Variants in KANSL1 observed in about 807,000 individuals in gnomAD.
The protein encoded by KANSL1 is MLL1/MLL complex subunit KANSL1.
A neutral mutation model predicts 103.6 loss-of-function variants in KANSL1; 22 were observed. That is an observed-to-expected ratio of 0.21 (90% confidence interval 0.15 to 0.30). KANSL1 has a LOEUF of 0.30. KANSL1 is among the 10% of genes least tolerant of loss of function. The pLI, the probability that KANSL1 is intolerant of heterozygous loss-of-function variation, is 1.00. For missense variants in KANSL1, 1,337 were observed against 1,399.8 expected, an observed-to-expected ratio of 0.96 and a Z score of 0.72; for synonymous variants, 600 against 527.6, an observed-to-expected ratio of 1.14 and a Z score of -1.88.
chr17:46,130,187 CAA>C (rs35017603), intron 2 of KANSL1, among the ~76,000 whole-genome samples: 4,363 of 75,292 alleles, frequency 0.058, 441 homozygotes, highest in East Asian at 0.43. Flanking sequence ...ATCCTGTCTC[CAA>C]AAAAAAAAAA....
In KANSL1 at chr17:46,186,126, A is replaced by G. The variant is rs945652460; in HGVS notation, c.-90+6697T>C. On this transcript the variant is annotated intron_variant, in intron 1 of 14. Transcript: ENST00000432791. ...CGCGGTGGCTCATGCCTGTAATACC[A>G]GCACTTTGGGAGGCCGAGACGGGTG... Among the ~76,000 whole-genome samples, 13 of 152,166 alleles carry G rather than the reference A, an allele frequency of 8.5e-5. No homozygotes were observed. The East Asian group carries it at 2.5e-3, about 29-fold the overall frequency.
intron 1 of KANSL1, among the ~76,000 whole-genome samples, chr17:46,178,001 T>C (rs1452386535): frequency 6.6e-6 from 1 of 152,114 alleles, no homozygotes; most frequent in African/African-American, 2.4e-5. Flanking sequence ...ATGGTCTCCA[T>C]CTCCTGACCT....
chr17:46,083,336 G>A (rs1555753922), intron 3 of KANSL1, among the ~76,000 whole-genome samples: 1 of 152,062 alleles, frequency 6.6e-6, no homozygotes, highest in Non-Finnish European at 1.5e-5. Context: ...CCGAAAGACT[G>A]GGATGCAAGT....
intron 2 of KANSL1, among the ~76,000 whole-genome samples, chr17:46,101,578 C>T (rs1177669825): frequency 1.3e-5 from 2 of 151,710 alleles, no homozygotes; most frequent in Non-Finnish European, 1.5e-5. Flanking sequence ...AGTGAAACCC[C>T]GTCTCTACTA....
intron 2 of KANSL1, among the ~76,000 whole-genome samples, chr17:46,108,384 C>G (rs950880351): frequency 2.6e-5 from 4 of 152,218 alleles, no homozygotes; most frequent in African/African-American, 9.6e-5. Flanking sequence ...CATTTCCTTA[C>G]ATGACACTTT....
chr17:46,156,123 G>T (rs966729965), intron 2 of KANSL1, among the ~76,000 whole-genome samples: 2 of 152,142 alleles, frequency 1.3e-5, no homozygotes, highest in African/African-American at 4.8e-5. Context: ...CAAGGTGGGC[G>T]GATCACCTGA....
chr17:46,063,667 T>A (rs978929985), intron 6 of KANSL1, among the ~76,000 whole-genome samples: 1 of 152,250 alleles, frequency 6.6e-6, no homozygotes, highest in Non-Finnish European at 1.5e-5. Context: ...TTTAGTTTTA[T>A]GCCTATCTCT....
At chr17:46,076,471 G>A (rs373534371) in intron 4 of KANSL1, among the ~76,000 whole-genome samples, 1 of 145,466 alleles carries the variant, frequency 6.9e-6, no homozygotes, top group Non-Finnish European at 1.5e-5. Context: ...ACTCCAGCCC[G>A]AGTGACAGGG....
intron 2 of KANSL1, among the ~76,000 whole-genome samples, chr17:46,113,646 A>AC (rs2042918835): frequency 6.6e-6 from 1 of 152,046 alleles, no homozygotes; most frequent in South Asian, 2.1e-4. Flanking sequence ...TAAAAAAAAA[A>AC]CAAAAAAACC....
intron 2 of KANSL1, among the ~76,000 whole-genome samples, chr17:46,158,328 G>C (rs564317106): frequency 7.4e-4 from 113 of 151,904 alleles, no homozygotes; most frequent in African/African-American, 2.6e-3. Context: ...GAGGGGTTGG[G>C]GGAATTGGGA....
intron 6 of KANSL1, among the ~76,000 whole-genome samples, chr17:46,055,678 G>T (rs2077900458): frequency 6.6e-6 from 1 of 152,042 alleles, no homozygotes. Context: ...AAGAATGTAA[G>T]GAACCATTCC....
chr17:46,183,833 A>C (rs536895823), intron 1 of KANSL1, among the ~76,000 whole-genome samples: 57 of 152,262 alleles, frequency 3.7e-4, no homozygotes, highest in African/African-American at 1.3e-3. Context: ...GAATCACCTG[A>C]ATCTGGGAGG....
chr17:46,113,430 CAACAGAA>C (rs2042908280), intron 2 of KANSL1, among the ~76,000 whole-genome samples: 1 of 152,114 alleles, frequency 6.6e-6, no homozygotes, highest in South Asian at 2.1e-4. Context: ...GAAAAGAATA[CAACAGAA>C]AACTAAGAGT....
intron 2 of KANSL1, among the ~76,000 whole-genome samples, chr17:46,144,781 T>C (rs969763427): frequency 1.3e-5 from 2 of 150,954 alleles, no homozygotes; most frequent in African/African-American, 5.0e-5. Flanking sequence ...CAAATGATGA[T>C]GACACTGCCC....
At chr17:46,087,015 G>A (rs1334357154) in intron 3 of KANSL1, among the ~76,000 whole-genome samples, 1 of 152,042 alleles carries the variant, frequency 6.6e-6, no homozygotes, top group African/African-American at 2.4e-5. Context: ...AGATCTACCC[G>A]CCCTGGCCTC....
At chr17:46,104,205 C>T (rs371481971) in intron 2 of KANSL1, among the ~76,000 whole-genome samples, 11 of 152,238 alleles carry the variant, frequency 7.2e-5, no homozygotes, top group African/African-American at 2.4e-4. Context: ...TTTCAATACC[C>T]GTCAGTCAGA....
intron 2 of KANSL1, among the ~76,000 whole-genome samples, chr17:46,157,174 T>C (rs2045476963): frequency 6.6e-6 from 1 of 152,242 alleles, no homozygotes; most frequent in Admixed American, 6.5e-5. Flanking sequence ...CTATCCTCAA[T>C]GATGACACAT....
intron 2 of KANSL1, among the ~76,000 whole-genome samples, chr17:46,096,664 G>A (rs969180966): frequency 5.3e-5 from 8 of 150,266 alleles, no homozygotes; most frequent in Non-Finnish European, 1.2e-4. Context: ...TGTCGCCCGG[G>A]CTGGAGTCCA....
rs138698439 is a variant in KANSL1 at position 46,066,559 on chromosome 17, C to A, written c.1826G>T (p.Ser609Ile). 2 of 1,613,310 alleles carry A rather than the reference C, an allele frequency of 1.2e-6. No homozygotes were observed. The highest frequency in any genetic ancestry group is 3.4e-4 in the Middle Eastern group (2 of 5,900). Residue 609 changes from serine (S) to isoleucine (I), a missense_variant, in exon 6 of 15, where the codon AGC becomes ATC. Ser to Ile is a moderately radical substitution (Grantham distance 142, BLOSUM62 -2). This residue lies in a region of KANSL1 where 780 missense variants were observed against 923.4 expected (regional missense o/e 0.84). Coordinates refer to ENST00000432791, the MANE Select transcript of KANSL1 (RefSeq NM_015443.4). ...CKKRRLVRPNSIVPLSKKVHR... is the reference protein window; with the variant it reads ...CKKRRLVRPNIIVPLSKKVHR... ...GACCTTCTTGGAAAGAGGAACGATGCTGTTGGGTCGAACAAGCCTCCGCTT... is the reference window on the plus strand; with the variant it reads ...GACCTTCTTGGAAAGAGGAACGATGATGTTGGGTCGAACAAGCCTCCGCTT...
Sources: allele counts gnomAD v4.1 joint callset (sites outside exome capture counted in the v4.1 genomes callset), GRCh38; gene constraint gnomAD v4.1.1; regional missense constraint gnomAD v4.1.1; transcripts MANE v1.5; gene names NCBI Gene and HGNC (gene_info 2026-07-23, HGNC 2026-07-21).